The following NLGN1 variants were observed in gnomAD, a reference collection of about 807,000 sequenced individuals.
The protein encoded by NLGN1 is neuroligin 1, also known as neuroligin-1.
A neutral mutation model predicts 65.5 loss-of-function variants in NLGN1; 12 were observed. That is an observed-to-expected ratio of 0.18 (90% CI 0.12 to 0.30). NLGN1 has a LOEUF of 0.30. Ranked by LOEUF, NLGN1 falls within the 10% of genes least tolerant of loss-of-function variation. The pLI is 1.00. For synonymous variants in NLGN1, 350 were observed against 359.5 expected, an observed-to-expected ratio of 0.97 and a Z score of 0.30; for missense variants, 750 against 1,007.1, an observed-to-expected ratio of 0.74 and a Z score of 3.46.
At chr3:173,657,683 T>TA (rs1034559448) in intron 3 of NLGN1, among the ~76,000 whole-genome samples, 2 of 151,204 alleles carry the variant, frequency 1.3e-5, no homozygotes, top group East Asian at 1.9e-4. Context: ...TGCCCTCAGC[T>TA]AAAAAAAATA....
At chr3:173,633,281 A>G (rs1284979572) in intron 3 of NLGN1, among the ~76,000 whole-genome samples, 2 of 152,120 alleles carry the variant, frequency 1.3e-5, no homozygotes, top group Non-Finnish European at 2.9e-5. Context: ...TCTTCATGTA[A>G]GATCCTCCAT....
At position 173,789,766 on chromosome 3, in the gene NLGN1, T is replaced by TCC; in HGVS notation, c.494-17913_494-17912dup. The TCC allele has an allele frequency of 6.6e-6, 3 of 452,376 alleles. No homozygotes were observed. In the Admixed American group the frequency reaches 7.1e-5, roughly 11 times the overall value. 28.0% of individuals were successfully genotyped at this position (452,376 alleles called of 1,614,324 possible). A position where few individuals can be genotyped will look rare whatever the true frequency, so the allele number is the denominator to read the frequency against. On this transcript the variant is annotated intron_variant, in intron 3 of 6. Coordinates refer to ENST00000457714, the Ensembl canonical transcript of NLGN1. ...GGGCATAATGTACGGTGTTCCACAC[T>TCC]CCGCCCATCCTTCCTTGGATTAAGC...
At chr3:173,427,074 T>G (rs2148721852) in intron 1 of NLGN1, among the ~76,000 whole-genome samples, 1 of 152,158 alleles carries the variant, frequency 6.6e-6, no homozygotes, top group South Asian at 2.1e-4. Context: ...TCTAAGAATT[T>G]ATTCATGTCT....
chr3:174,037,474 G>A (rs1731387885), intron 4 of NLGN1, among the ~76,000 whole-genome samples: 1 of 152,148 alleles, frequency 6.6e-6, no homozygotes, highest in Non-Finnish European at 1.5e-5. Context: ...TTTGATGTTA[G>A]AGAACACGAT....
intron 4 of NLGN1, among the ~76,000 whole-genome samples, chr3:174,236,770 C>T (rs527319206): frequency 1.3e-5 from 2 of 152,126 alleles, no homozygotes; most frequent in African/African-American, 4.8e-5. Flanking sequence ...TGTAACTGCA[C>T]TCTATTTAGT....
intron 1 of NLGN1, among the ~76,000 whole-genome samples, chr3:173,421,181 A>G (rs536160182): frequency 2.6e-5 from 4 of 152,228 alleles, no homozygotes; most frequent in African/African-American, 9.6e-5. Context: ...TTTTTTAAAA[A>G]TCATTTTTAT....
chr3:173,615,885 G>A (rs1343754103), intron 3 of NLGN1, among the ~76,000 whole-genome samples: 2 of 19,582 alleles, frequency 1.0e-4, no homozygotes, highest in African/African-American at 3.4e-4. Context: ...GATGTTCTAG[G>A]GCTTTTTCTC....
chr3:174,241,421 T>A (rs562284784), intron 4 of NLGN1, among the ~76,000 whole-genome samples: 1 of 151,898 alleles, frequency 6.6e-6, no homozygotes, highest in African/African-American at 2.4e-5. Context: ...CCCAATTAGG[T>A]GTGTTGACCT....
At chr3:173,720,095 CAG>C (rs1770571995) in intron 3 of NLGN1, among the ~76,000 whole-genome samples, 3 of 151,924 alleles carry the variant, frequency 2.0e-5, no homozygotes, top group African/African-American at 7.3e-5. Context: ...GCCTAGGCGA[CAG>C]AGAGAGACTG....
chr3:173,529,481 G>T (rs898867580), intron 2 of NLGN1, among the ~76,000 whole-genome samples: 3 of 152,140 alleles, frequency 2.0e-5, no homozygotes, highest in African/African-American at 7.2e-5. Context: ...GACAGTGGGG[G>T]CTCCTGGTTA....
intron 2 of NLGN1, among the ~76,000 whole-genome samples, chr3:173,579,546 C>G (rs550342972): frequency 1.3e-5 from 2 of 152,354 alleles, no homozygotes; most frequent in East Asian, 3.9e-4. Context: ...TTACCAATCT[C>G]TATTCCATGA....
intron 3 of NLGN1, among the ~76,000 whole-genome samples, chr3:173,607,838 GT>G (rs965457072): frequency 6.6e-6 from 1 of 151,366 alleles, no homozygotes; most frequent in African/African-American, 2.4e-5. Flanking sequence ...AACTGTGAGA[GT>G]GGCTGCTTTG....
At chr3:173,589,353 A>G (rs1185174426) in intron 2 of NLGN1, among the ~76,000 whole-genome samples, 1 of 152,128 alleles carries the variant, frequency 6.6e-6, no homozygotes, top group African/African-American at 2.4e-5. Context: ...AATTAGAGCT[A>G]CCTGCTGAGG....
At chr3:173,788,300 A>G (rs1578434426) in intron 3 of NLGN1, among the ~76,000 whole-genome samples, 1 of 151,906 alleles carries the variant, frequency 6.6e-6, no homozygotes, top group East Asian at 1.9e-4. Flanking sequence ...TTAAATAGTA[A>G]ATGGATAAAA....
At chr3:173,631,901 CTT>C (rs34004494) in intron 3 of NLGN1, among the ~76,000 whole-genome samples, 1 of 150,954 alleles carries the variant, frequency 6.6e-6, no homozygotes, top group Non-Finnish European at 1.5e-5. Context: ...TTAAAATGTT[CTT>C]TTTTTTTGTA....
At chr3:173,942,227 TATATTCTGGGCATCTTATAATA>T (rs1212172500) in intron 4 of NLGN1, among the ~76,000 whole-genome samples, 1 of 151,996 alleles carries the variant, frequency 6.6e-6, no homozygotes, top group Non-Finnish European at 1.5e-5. Flanking sequence ...AAGCACTGCC[TATATTCTGGGCATCTTATAATA>T]ATTGCTGTAC....
At chr3:173,609,981 AAGAG>A (rs555424947) in intron 3 of NLGN1, among the ~76,000 whole-genome samples, 1 of 151,874 alleles carries the variant, frequency 6.6e-6, no homozygotes, top group Admixed American at 6.6e-5. Flanking sequence ...AAAGGGGGAA[AAGAG>A]AGAGAGACAG....
intron 4 of NLGN1, among the ~76,000 whole-genome samples, chr3:173,850,258 G>A (rs534921416): frequency 2.0e-5 from 3 of 152,016 alleles, no homozygotes; most frequent in Non-Finnish European, 2.9e-5. Context: ...TGTGATTATG[G>A]GTATATACGG....
At chr3:173,720,063 A>G (rs1770567480) in intron 3 of NLGN1, among the ~76,000 whole-genome samples, 1 of 152,156 alleles carries the variant, frequency 6.6e-6, no homozygotes, top group African/African-American at 2.4e-5. Flanking sequence ...GCAGTGAGCT[A>G]TGATCATGCC....
Sources: allele counts gnomAD v4.1 joint callset (sites outside exome capture counted in the v4.1 genomes callset), GRCh38; gene constraint gnomAD v4.1.1; transcripts MANE v1.5; gene names NCBI Gene and HGNC (gene_info 2026-07-23, HGNC 2026-07-21).